Variants in DOCK8 observed in about 807,000 individuals in gnomAD.
DOCK8 encodes the protein dedicator of cytokinesis 8.
Under a neutral mutation model 245.6 loss-of-function variants are expected in DOCK8, and 141 were observed. The observed-to-expected ratio is 0.57, with a 90% CI of 0.50 to 0.66. DOCK8 has a LOEUF of 0.66. Among genes scored for constraint, DOCK8 ranks in the 30% least tolerant of loss-of-function variants. The pLI is 0.00. For missense variants in DOCK8, 2,965 were observed against 2,603.4 expected (o/e 1.14, Z -3.02); for synonymous variants, 1,168 against 970.2 (o/e 1.20, Z -3.79).
At chr9:226,114 G>C (rs1315218122) in intron 1 of DOCK8, among the ~76,000 whole-genome samples, 1 of 152,196 alleles carries the variant, frequency 6.6e-6, no homozygotes, top group Non-Finnish European at 1.5e-5. Flanking sequence ...AGAAAAAAAG[G>C]TTTAATGGAC....
intron 14 of DOCK8, among the ~76,000 whole-genome samples, chr9:350,984 C>G (rs4741824): frequency 0.57 from 86,996 of 151,996 alleles, 25,706 homozygotes; most frequent in East Asian, 0.83. Flanking sequence ...AGGAAATGCT[C>G]TTTGGGATTG....
intron 12 of DOCK8, among the ~76,000 whole-genome samples, chr9:337,878 G>A (rs759528958): frequency 2.0e-5 from 3 of 152,290 alleles, no homozygotes; most frequent in East Asian, 1.9e-4. Context: ...AAGATGGGCC[G>A]GGCGCAGTGG....
In DOCK8 at chr9:429,945, A is replaced by G. The variant is rs117342048; in HGVS notation, c.4626+91A>G. 795 of 1,486,112 alleles carry G rather than the reference A, an allele frequency of 5.3e-4. 5 individuals are homozygous for G. In the East Asian group the frequency reaches 0.012, roughly 22 times the overall value. 92.1% of individuals were successfully genotyped at this position (1,486,112 alleles called of 1,614,324 possible). On this transcript the variant is annotated intron_variant, in intron 36 of 47. Transcript: ENST00000432829. ...GCGAAAAAAAATAAGGAAATTTTGC[A>G]GTATTGCAGTTTACTTCTGTCCTGT...
intron 9 of DOCK8, 148 bp from the exon 10 acceptor site, chr9:332,250 A>G (rs1459502559): frequency 1.6e-6 from 1 of 612,740 alleles, no homozygotes; most frequent in Non-Finnish European, 2.9e-6. Flanking sequence ...GCTATTCTTT[A>G]TATAAATTTT....
chr9:215,102 AG>A lies in DOCK8; in HGVS notation c.53+77del, dbSNP rs1398257162. ...CTGGTGTGAAGCGGAGCTTCGCTGC[AG>A]GGGCCGAGGCCGGACGAGTCCATTC... On this transcript the variant is annotated intron_variant, in intron 1 of 47. Transcript: ENST00000432829. 5 of 1,511,214 alleles carry A rather than the reference AG, an allele frequency of 3.3e-6. No homozygotes were observed. The African/African-American group carries it at 5.8e-5, about 17-fold the overall frequency. The allele number at this position is 1,511,214 out of a possible 1,614,324, so 93.6% of individuals were successfully genotyped here. A position where few individuals can be genotyped will look rare whatever the true frequency, so the allele number is the denominator to read the frequency against.
At chr9:439,207 C>A (rs750869055) in intron 39 of DOCK8, 38 bp from the exon 40 acceptor site, 4 of 1,613,856 alleles carry the variant, frequency 2.5e-6, no homozygotes, top group South Asian at 1.1e-5. Flanking sequence ...CTAGTCTGGT[C>A]GCCCTGTTCT....
rs148500956 is a variant in DOCK8 at position 401,994 on chromosome 9, C to G, written c.3234+2735C>G. On this transcript the variant is annotated intron_variant, in intron 26 of 47. Coordinates refer to ENST00000432829, the MANE Select transcript of DOCK8 (RefSeq NM_203447.4). ...AGAATGGCAGAGGGACACTTCACTC[C>G]TCCTTGCCCTCCCTCTTCAGTATTT... Among the ~76,000 whole-genome samples, 7 of 152,330 alleles carry G rather than the reference C, an allele frequency of 4.6e-5. No individual in the cohort carries two copies. In the East Asian group the frequency reaches 1.4e-3, roughly 29 times the overall value.
chr9:348,922 TGA>T (rs2052028055), intron 14 of DOCK8, among the ~76,000 whole-genome samples: 1 of 152,196 alleles, frequency 6.6e-6, no homozygotes, highest in Non-Finnish European at 1.5e-5. Context: ...CACCTTTCAC[TGA>T]GAGTGTTTGG....
intron 24 of DOCK8, among the ~76,000 whole-genome samples, chr9:396,284 T>G (rs2054451413): frequency 1.3e-5 from 2 of 152,192 alleles, no homozygotes; most frequent in Non-Finnish European, 2.9e-5. Context: ...GGAAAAACTG[T>G]GCTCCCTCGA....
In DOCK8 at chr9:339,034, T is replaced by TG; in HGVS notation, c.1451_1452insG (p.Phe485IlefsTer6). On this transcript the variant is annotated frameshift_variant, in exon 13 of 48. Transcript: ENST00000432829. LOFTEE classifies it high-confidence loss of function. Reference sequence around the variant, plus strand: ...GGAGATCGCCTTAGCGATGAAGACTTATTCAAGTTTTTAGCTGACTACAAA... The same window carrying TG: ...GGAGATCGCCTTAGCGATGAAGACTTGATTCAAGTTTTTAGCTGACTACAAA... 6.2e-7 allele frequency: 1 copy of TG among 1,614,150 alleles called. No individual in the cohort carries two copies. The highest frequency in any genetic ancestry group is 8.5e-7 in the Non-Finnish European group (1 of 1,180,024).
intron 14 of DOCK8, among the ~76,000 whole-genome samples, chr9:350,761 C>G (rs1344689422): frequency 2.6e-5 from 4 of 152,114 alleles, no homozygotes; most frequent in Non-Finnish European, 4.4e-5. Flanking sequence ...TTTGTTTGGA[C>G]AGAACGTAGA....
intron 33 of DOCK8, among the ~76,000 whole-genome samples, chr9:423,180 C>T (rs2056347426): frequency 6.6e-6 from 1 of 151,254 alleles, no homozygotes; most frequent in African/African-American, 2.4e-5. Flanking sequence ...TATATTGTTA[C>T]CAGAAAAAAA....
chr9:381,739 C>G (rs1028366804), intron 21 of DOCK8, among the ~76,000 whole-genome samples: 1 of 152,144 alleles, frequency 6.6e-6, no homozygotes, highest in Non-Finnish European at 1.5e-5. Context: ...GTGAGCAGAT[C>G]ACTTGAGCTC....
intron 1 of DOCK8, among the ~76,000 whole-genome samples, chr9:231,683 G>T (rs1222670705): frequency 2.0e-5 from 3 of 152,104 alleles, no homozygotes; most frequent in Non-Finnish European, 4.4e-5. Flanking sequence ...GTTCACTCAT[G>T]ATTTGGCTCT....
Position 420,427 on chromosome 9 carries a change from C to A in DOCK8, c.3867C>A (p.Asn1289Lys). 1 of 1,614,162 alleles carries A rather than the reference C, an allele frequency of 6.2e-7. No homozygotes were observed. Among genetic ancestry groups the A allele is most frequent in the Non-Finnish European group, 8.5e-7 (1 of 1,180,038 alleles). Residue 1289 changes from asparagine (N) to lysine (K), a missense_variant, in exon 31 of 48, where the codon AAC (asparagine) becomes AAA (lysine). By Grantham distance (94) the Asn-to-Lys change is moderately conservative. Transcript: ENST00000432829. Reference protein sequence around the residue: ...SLPYKQYNMLNADTTRNLMIC... With the variant: ...SLPYKQYNMLKADTTRNLMIC... ...CCTATAAGCAGTACAACATGCTGAA[C>A]GCGGACACTACTCGCAACCTCATGA...
chr9:324,814 A>G (rs1338743997), intron 7 of DOCK8, among the ~76,000 whole-genome samples: 1 of 152,148 alleles, frequency 6.6e-6, no homozygotes, highest in Non-Finnish European at 1.5e-5. Context: ...AATAATACAG[A>G]TTCTATCCTT....
At chr9:343,405 A>G (rs2051708878) in intron 14 of DOCK8, among the ~76,000 whole-genome samples, 1 of 152,096 alleles carries the variant, frequency 6.6e-6, no homozygotes, top group African/African-American at 2.4e-5. Flanking sequence ...GCTGAGGCAG[A>G]GGATTCTTGA....
chr9:431,802 C>G (rs1329722817), intron 36 of DOCK8, among the ~76,000 whole-genome samples: 1 of 152,166 alleles, frequency 6.6e-6, no homozygotes, highest in African/African-American at 2.4e-5. Flanking sequence ...AAGTCCCTTT[C>G]TTTTAATAAA....
intron 1 of DOCK8, among the ~76,000 whole-genome samples, chr9:250,460 A>G (rs990633213): frequency 1.3e-5 from 2 of 152,182 alleles, no homozygotes; most frequent in Admixed American, 1.3e-4. Flanking sequence ...TACATAAAAT[A>G]TTCCCAGTAG....
Sources: allele counts gnomAD v4.1 joint callset (sites outside exome capture counted in the v4.1 genomes callset), GRCh38; gene constraint gnomAD v4.1.1; transcripts MANE v1.5; gene names NCBI Gene and HGNC (gene_info 2026-07-23, HGNC 2026-07-21).